GRM7: variants seen among roughly 807,000 people sequenced by gnomAD.
GRM7 encodes the protein metabotropic glutamate receptor 7.
Under a neutral mutation model 84.5 loss-of-function variants are expected in GRM7, and 35 were observed. The ratio of observed to expected loss-of-function variants is 0.41; its 90% CI spans 0.32 to 0.55. The LOEUF is 0.55. GRM7 is among the 20% of genes least tolerant of loss of function. The pLI is 0.19. For missense variants in GRM7, 1,003 were observed against 1,194.6 expected, an observed-to-expected ratio of 0.84 and a Z score of 2.36; for synonymous variants, 487 against 455.1, an observed-to-expected ratio of 1.07 and a Z score of -0.89.
chr3:7,052,523 G>A (rs751846929), intron 1 of GRM7, among the ~76,000 whole-genome samples: 2 of 151,374 alleles, frequency 1.3e-5, no homozygotes, highest in Non-Finnish European at 3.0e-5. Context: ...AATTTTATTT[G>A]TTTTGTACCT....
intron 1 of GRM7, among the ~76,000 whole-genome samples, chr3:7,066,547 CAA>C (rs1203481754): frequency 6.6e-6 from 1 of 151,668 alleles, no homozygotes; most frequent in Non-Finnish European, 1.5e-5. Flanking sequence ...TTACCAACAA[CAA>C]AAAAAGTCCA....
chr3:7,571,524 C>T (rs1400070911), intron 7 of GRM7, among the ~76,000 whole-genome samples: 3 of 152,194 alleles, frequency 2.0e-5, no homozygotes, highest in Non-Finnish European at 4.4e-5. Flanking sequence ...CAACAAGTTC[C>T]TCATCTCCAT....
intron 5 of GRM7, among the ~76,000 whole-genome samples, chr3:7,447,333 T>C (rs1384935770): frequency 6.6e-6 from 1 of 152,214 alleles, no homozygotes; most frequent in Non-Finnish European, 1.5e-5. Flanking sequence ...AAATATCTCT[T>C]AACATTGTAT....
intron 2 of GRM7, among the ~76,000 whole-genome samples, chr3:7,252,156 C>T (rs1462980309): frequency 6.6e-6 from 1 of 151,944 alleles, no homozygotes; most frequent in Non-Finnish European, 1.5e-5. Context: ...GGAGAAGATC[C>T]CAATAGAAAG....
chr3:7,699,878 G>A (rs1701162347), intron 9 of GRM7, among the ~76,000 whole-genome samples: 1 of 152,166 alleles, frequency 6.6e-6, no homozygotes. Flanking sequence ...CCAGTCTAGG[G>A]TCAGAGTTAC....
intron 1 of GRM7, among the ~76,000 whole-genome samples, chr3:6,965,106 G>A (rs1693464095): frequency 6.6e-6 from 1 of 151,992 alleles, no homozygotes; most frequent in Non-Finnish European, 1.5e-5. Flanking sequence ...CTGCTTCTCT[G>A]GTACTCAGAA....
At chr3:7,030,187 T>C (rs1179732064) in intron 1 of GRM7, among the ~76,000 whole-genome samples, 2 of 152,002 alleles carry the variant, frequency 1.3e-5, no homozygotes, top group African/African-American at 4.8e-5. Flanking sequence ...AAAATACAAA[T>C]GAAAAAGGAG....
chr3:7,269,801 CT>C (rs759541768), intron 2 of GRM7, among the ~76,000 whole-genome samples: 61 of 152,246 alleles, frequency 4.0e-4, no homozygotes, highest in Middle Eastern at 3.4e-3. Flanking sequence ...ATTTTCTTCT[CT>C]TATATTTGTC....
At chr3:6,902,105 T>G (rs1209967004) in intron 1 of GRM7, among the ~76,000 whole-genome samples, 1 of 152,180 alleles carries the variant, frequency 6.6e-6, no homozygotes, top group East Asian at 1.9e-4. Flanking sequence ...ATGTTATATG[T>G]ACATTTGAAA....
At chr3:7,523,140 A>G (rs1476625502) in intron 7 of GRM7, among the ~76,000 whole-genome samples, 1 of 152,182 alleles carries the variant, frequency 6.6e-6, no homozygotes, top group East Asian at 1.9e-4. Context: ...CGGAGCTAAC[A>G]GAGACATTCA....
chr3:7,368,013 T>G (rs1469443687), intron 4 of GRM7, among the ~76,000 whole-genome samples: 3 of 129,796 alleles, frequency 2.3e-5, no homozygotes, highest in African/African-American at 7.8e-5. Context: ...ATACAAATCC[T>G]TAAGAAAAAA....
At chr3:6,920,496 A>G (rs1697087520) in intron 1 of GRM7, among the ~76,000 whole-genome samples, 1 of 151,926 alleles carries the variant, frequency 6.6e-6, no homozygotes, top group South Asian at 2.1e-4. Flanking sequence ...TGGAGGCTGC[A>G]TGAGCTGAGA....
chr3:7,620,521 A>G (rs1697308242), intron 8 of GRM7, among the ~76,000 whole-genome samples: 1 of 152,170 alleles, frequency 6.6e-6, no homozygotes, highest in Non-Finnish European at 1.5e-5. Flanking sequence ...TGAGAAGAAC[A>G]GCAGTCCTCA....
intron 1 of GRM7, among the ~76,000 whole-genome samples, chr3:6,927,463 G>GAGAGAAAGAGAGAGAGAA: frequency 1.1e-5 from 1 of 93,300 alleles, no homozygotes; most frequent in Middle Eastern, 5.5e-3. Flanking sequence ...GAAAGAGAGA[G>GAGAGAAAGAGAGAGAGAA]AGAAAGAAAG....
chr3:7,309,335 G>A (rs1445378168), intron 4 of GRM7, among the ~76,000 whole-genome samples: 1 of 152,164 alleles, frequency 6.6e-6, no homozygotes, highest in Non-Finnish European at 1.5e-5. Context: ...ATGGAGCAGA[G>A]CCTATGTGGG....
intron 1 of GRM7, among the ~76,000 whole-genome samples, chr3:7,146,162 C>CTACCATG (rs1694104484): frequency 6.6e-6 from 1 of 152,114 alleles, no homozygotes; most frequent in Non-Finnish European, 1.5e-5. Context: ...GGTCATAAAT[C>CTACCATG]TTTTTCTTCT....
rs34465661 is a variant in GRM7 at position 7,153,133 on chromosome 3, ATTTTTTTT to A, written c.736+6479_736+6486del. 1.8e-3 allele frequency among the ~76,000 whole-genome samples: 186 copies of A among 103,372 alleles called. 3 individuals carry two copies. Among genetic ancestry groups the A allele is most frequent in the African/African-American group, 7.0e-3 (182 of 26,060 alleles). The allele number at this position is 103,372 out of a possible 152,430, so 67.8% of individuals were successfully genotyped here. On this transcript the variant is annotated intron_variant, in intron 2 of 9. Coordinates refer to ENST00000357716, the MANE Select transcript of GRM7 (RefSeq NM_000844.4). ...TTGCCCAGTAAGCTTGGTACTGTGG[ATTTTTTTT>A]TTTTTTTTTTTTTGGCTTTGATTCT... is the stretch of plus-strand genomic sequence containing the variant.
chr3:7,426,189 G>A (rs530999200), intron 5 of GRM7, among the ~76,000 whole-genome samples: 3 of 151,150 alleles, frequency 2.0e-5, no homozygotes, highest in African/African-American at 4.9e-5. Flanking sequence ...GTGCGATCTC[G>A]GCTCACCACA....
intron 5 of GRM7, among the ~76,000 whole-genome samples, chr3:7,421,511 G>A (rs966318972): frequency 1.3e-5 from 2 of 152,138 alleles, no homozygotes; most frequent in African/African-American, 4.8e-5. Flanking sequence ...ATGGTCCACA[G>A]GCCTGGACCT....
Sources: gnomAD v4.1 joint callset for allele counts (sites outside exome capture counted in the v4.1 genomes callset) on GRCh38, gnomAD v4.1.1 for gene constraint, MANE v1.5 for transcripts, NCBI Gene and HGNC (gene_info 2026-07-23, HGNC 2026-07-21) for gene names.